Variants in ESRRG observed in about 807,000 individuals in gnomAD.
ESRRG encodes estrogen-related receptor gamma.
In ESRRG, 13 loss-of-function variants were observed where a neutral mutation model predicts 44.0. The observed-to-expected ratio is 0.30, with a 90% CI of 0.19 to 0.47. ESRRG has a LOEUF of 0.47. ESRRG is among the 20% of genes least tolerant of loss of function. The pLI, the probability that ESRRG is intolerant of heterozygous loss-of-function variation, is 1.00. For synonymous variants in ESRRG, 215 were observed against 214.6 expected, an observed-to-expected ratio of 1.00 and a Z score of -0.02; for missense variants, 395 against 580.6, an observed-to-expected ratio of 0.68 and a Z score of 3.29.
At chr1:216,775,415 A>G (rs967248404) in intron 2 of ESRRG, among the ~76,000 whole-genome samples, 1 of 151,956 alleles carries the variant, frequency 6.6e-6, no homozygotes, top group African/African-American at 2.4e-5. Context: ...TTCAATAAGC[A>G]CCTCAAAAGT....
intron 2 of ESRRG, among the ~76,000 whole-genome samples, chr1:216,878,971 T>C (rs1037235394): frequency 1.3e-5 from 2 of 152,072 alleles, no homozygotes; most frequent in African/African-American, 4.8e-5. Context: ...CATTTCTGAA[T>C]AAAAAAGATT....
intron 2 of ESRRG, among the ~76,000 whole-genome samples, chr1:216,793,657 A>G (rs2094390726): frequency 1.3e-5 from 2 of 152,210 alleles, no homozygotes; most frequent in African/African-American, 4.8e-5. Context: ...TGACTCTCAG[A>G]AACTGTATAA....
At chr1:216,617,323 A>G (rs2061549719) in intron 3 of ESRRG, among the ~76,000 whole-genome samples, 1 of 152,068 alleles carries the variant, frequency 6.6e-6, no homozygotes, top group South Asian at 2.1e-4. Context: ...GCATAAACAA[A>G]ATGTTTCTTG....
chr1:216,699,853 A>G (rs2151850422), intron 1 of ESRRG, among the ~76,000 whole-genome samples: 1 of 152,362 alleles, frequency 6.6e-6, no homozygotes, highest in Non-Finnish European at 1.5e-5. Flanking sequence ...CACAGCAAGA[A>G]GAGTGATGCT....
intron 3 of ESRRG, among the ~76,000 whole-genome samples, chr1:216,629,186 CA>C (rs1210353067): frequency 6.6e-6 from 1 of 152,072 alleles, no homozygotes; most frequent in Non-Finnish European, 1.5e-5. Flanking sequence ...CCACTTGGAA[CA>C]AGAGATGGTC....
chr1:216,828,621 C>T (rs1577005807), intron 2 of ESRRG, among the ~76,000 whole-genome samples: 1 of 152,180 alleles, frequency 6.6e-6, no homozygotes, highest in East Asian at 1.9e-4. Context: ...TCTACAAGTA[C>T]TGGCATTTGT....
chr1:216,619,108 C>A (rs984649036), intron 3 of ESRRG, among the ~76,000 whole-genome samples: 1 of 152,196 alleles, frequency 6.6e-6, no homozygotes, highest in Non-Finnish European at 1.5e-5. Context: ...TTGTTTAATG[C>A]ATTTACAACT....
At chr1:217,045,751 A>G (rs1248028817) in intron 1 of ESRRG, among the ~76,000 whole-genome samples, 2 of 152,226 alleles carry the variant, frequency 1.3e-5, no homozygotes, top group East Asian at 1.9e-4. Context: ...ACATCTTCAA[A>G]ACAATTTTCA....
At chr1:216,963,368 C>A (rs2069533776) in intron 1 of ESRRG, among the ~76,000 whole-genome samples, 2 of 152,110 alleles carry the variant, frequency 1.3e-5, no homozygotes, top group Admixed American at 6.6e-5. Context: ...GAGGTAAAAT[C>A]ATAGAGTATG....
chr1:216,630,975 C>CT (rs377409070), intron 3 of ESRRG, among the ~76,000 whole-genome samples: 1 of 150,998 alleles, frequency 6.6e-6, no homozygotes, highest in Non-Finnish European at 1.5e-5. Context: ...TTCCTGTTTT[C>CT]TTTTTTTAAA....
In ESRRG at chr1:216,977,375, T is replaced by C. The variant is rs867135455; in HGVS notation, c.-105-37702A>G. ...ACACACACACACACACACACACATA[T>C]ACATATAGATAGATGCCTAAGATAT... On this transcript the variant is annotated intron_variant, in intron 1 of 7. Transcript: ENST00000359162. Among the ~76,000 whole-genome samples the C allele has an allele frequency of 8.3e-3, 794 of 95,322 alleles. 4 individuals carry two copies. Among genetic ancestry groups the C allele is most frequent in the African/African-American group, 0.033 (669 of 20,172 alleles). The allele number at this position is 95,322 out of a possible 152,430, so 62.5% of individuals were successfully genotyped here.
intron 1 of ESRRG, among the ~76,000 whole-genome samples, chr1:217,029,857 G>A (rs2081795380): frequency 6.6e-6 from 1 of 152,196 alleles, no homozygotes; most frequent in South Asian, 2.1e-4. Context: ...GAAAGGAATG[G>A]CTAAGGAAAG....
chr1:217,070,635 G>A (rs2090436543), intron 1 of ESRRG, among the ~76,000 whole-genome samples: 1 of 152,156 alleles, frequency 6.6e-6, no homozygotes. Flanking sequence ...CCCCACTTTG[G>A]CCTCCCAAAG....
intron 2 of ESRRG, among the ~76,000 whole-genome samples, chr1:216,784,428 TTA>T (rs1386766332): frequency 5.3e-5 from 8 of 152,064 alleles, no homozygotes; most frequent in Admixed American, 5.3e-4. Context: ...AAAGAAATCC[TTA>T]TATACTTTAT....
At chr1:216,619,145 G>T (rs1408242693) in intron 3 of ESRRG, among the ~76,000 whole-genome samples, 1 of 152,186 alleles carries the variant, frequency 6.6e-6, no homozygotes, top group East Asian at 1.9e-4. Context: ...AATCAGAGAA[G>T]GGAAAGACTT....
chr1:217,086,009 C>G (rs1229682120), intron 1 of ESRRG, among the ~76,000 whole-genome samples: 2 of 152,094 alleles, frequency 1.3e-5, no homozygotes, highest in Non-Finnish European at 2.9e-5. Flanking sequence ...AAACTTCTTC[C>G]TTTGCACAAG....
chr1:216,601,983 G>A (rs1441573515), intron 3 of ESRRG, among the ~76,000 whole-genome samples: 1 of 152,154 alleles, frequency 6.6e-6, no homozygotes, highest in East Asian at 1.9e-4. Flanking sequence ...ACAAAGTGAA[G>A]GCTTAAAATG....
intron 1 of ESRRG, among the ~76,000 whole-genome samples, chr1:217,108,161 A>AAAT (rs1162566523): frequency 6.6e-6 from 1 of 152,184 alleles, no homozygotes; most frequent in Non-Finnish European, 1.5e-5. Flanking sequence ...AAAAGAGACC[A>AAAT]AATACAGTTG....
At chr1:216,979,850 T>G (rs2576204) in intron 1 of ESRRG, among the ~76,000 whole-genome samples, 129,859 of 152,004 alleles carry the variant, frequency 0.85, 55,648 homozygotes, top group East Asian at 1. Flanking sequence ...TCAAAAGAGG[T>G]TTTAAAAGTG....
Sources: gnomAD v4.1 joint callset for allele counts (sites outside exome capture counted in the v4.1 genomes callset) on GRCh38, gnomAD v4.1.1 for gene constraint, MANE v1.5 for transcripts, NCBI Gene and HGNC (gene_info 2026-07-23, HGNC 2026-07-21) for gene names.